The following COL4A4 variants were observed in gnomAD, a reference collection of about 807,000 sequenced individuals.
COL4A4 encodes the protein collagen alpha-4(IV) chain.
In COL4A4, 105 loss-of-function variants were observed where a neutral mutation model predicts 192.9. The ratio of observed to expected loss-of-function variants is 0.54; its 90% confidence interval spans 0.46 to 0.64. The LOEUF (loss-of-function observed/expected upper bound fraction) is 0.64, where lower values mean the gene tolerates loss of function less well. COL4A4 is among the 30% of genes least tolerant of loss of function. COL4A4 has a pLI of 0.00. For missense variants in COL4A4, 1,967 were observed against 2,169.3 expected, an observed-to-expected ratio of 0.91 and a Z score of 1.85; for synonymous variants, 762 against 769.9, an observed-to-expected ratio of 0.99 and a Z score of 0.17.
intron 4 of COL4A4, among the ~76,000 whole-genome samples, chr2:227,129,339 A>G (rs1209433569): frequency 6.6e-6 from 1 of 151,424 alleles, no homozygotes; most frequent in Admixed American, 6.6e-5. Flanking sequence ...TAACGTCATC[A>G]CCTATTTTTC....
chr2:227,011,032 T>C (rs1272176412), intron 45 of COL4A4, among the ~76,000 whole-genome samples: 1 of 152,092 alleles, frequency 6.6e-6, no homozygotes, highest in East Asian at 1.9e-4. Context: ...ATCTACAAGT[T>C]TGGCTCTCCT....
chr2:227,104,797 T>A (rs13411246), intron 12 of COL4A4, among the ~76,000 whole-genome samples: 42 of 150,806 alleles, frequency 2.8e-4, no homozygotes, highest in Non-Finnish European at 5.5e-4. Flanking sequence ...TGCGCCACCA[T>A]GCCCGGCTAA....
At chr2:226,996,641 A>T in the COL4A4 span, 37 of 152,362 alleles carry the variant, frequency 2.4e-4, 1 homozygote, top group Admixed American at 2.1e-3. Context: ...CACATAATAG[A>T]TATGCCTTCC....
intron 1 of COL4A4, among the ~76,000 whole-genome samples, chr2:227,158,986 T>C (rs893652905): frequency 3.9e-5 from 6 of 152,186 alleles, no homozygotes; most frequent in African/African-American, 1.4e-4. Context: ...TGAAAATGCA[T>C]GCCCACAAAA....
chr2:227,055,835 A>G (rs1031657516), intron 30 of COL4A4, 110 bp downstream of exon 30: 6 of 993,538 alleles, frequency 6.0e-6, no homozygotes, highest in Non-Finnish European at 9.2e-6. Flanking sequence ...GGAAGGACAA[A>G]GCCAGACTAA....
chr2:227,023,740 G>A (rs1415112031), intron 43 of COL4A4, among the ~76,000 whole-genome samples: 3 of 152,260 alleles, frequency 2.0e-5, no homozygotes, highest in South Asian at 2.1e-4. Context: ...TTCGCCAGGC[G>A]CGGTGGCTCA....
intron 25 of COL4A4, among the ~76,000 whole-genome samples, chr2:227,070,492 G>T (rs1409598415): frequency 6.6e-6 from 1 of 151,786 alleles, no homozygotes; most frequent in East Asian, 1.9e-4. Flanking sequence ...ATGATAGACT[G>T]GATTAAGAAA....
chr2:227,086,325 G>A (rs115164882), intron 22 of COL4A4, among the ~76,000 whole-genome samples: 2,089 of 152,200 alleles, frequency 0.014, 52 homozygotes, highest in African/African-American at 0.047. Flanking sequence ...CCCCAAGAGC[G>A]AGAGCACCCC....
At chr2:227,090,388 G>A (rs1047893510) in intron 20 of COL4A4, among the ~76,000 whole-genome samples, 2 of 152,058 alleles carry the variant, frequency 1.3e-5, no homozygotes, top group Admixed American at 1.3e-4. Context: ...AGTTAAAGAC[G>A]ACAGATAAAA....
Position 227,101,918 on chromosome 2 carries a change from T to G in COL4A4, c.931-9A>C. 1 of 1,593,288 alleles carries G rather than the reference T, an allele frequency of 6.3e-7. No homozygotes were observed. The highest frequency in any genetic ancestry group is 8.6e-7 in the Non-Finnish European group (1 of 1,165,872). On this transcript the variant is annotated splice_polypyrimidine_tract_variant and intron_variant, in intron 15 of 47. Transcript: ENST00000396625. ...TAGGAACCAGGATCCCCCTAATAAA[T>G]TCACAAAAATCAGGATAAACAGAAT...
intron 4 of COL4A4, among the ~76,000 whole-genome samples, chr2:227,135,280 GC>G (rs984316577): frequency 6.6e-6 from 1 of 152,148 alleles, no homozygotes; most frequent in Non-Finnish European, 1.5e-5. Context: ...CCAGGTGAGG[GC>G]TCTGAACCCG....
At chr2:227,105,738 T>C (rs1252414333) in intron 12 of COL4A4, among the ~76,000 whole-genome samples, 1 of 152,196 alleles carries the variant, frequency 6.6e-6, no homozygotes, top group East Asian at 1.9e-4. Context: ...TTTGTCATAG[T>C]TAAGAACAGG....
Position 227,080,503 on chromosome 2 carries a change from C to T in COL4A4, c.1743G>A (p.Gly581=), listed in dbSNP as rs1288036171. ...CATCCCGACCATGTGATCCTGGCTG[C>T]CCTGGAAATCCTGGGGGCCCATCAG... ...RGPDGPPGFP[G]QPGSHGRDGH... Residue 581 remains glycine (G), a synonymous_variant, in exon 24 of 48, where the codon GGG becomes GGA. Transcript: ENST00000396625. The T allele has an allele frequency of 5.0e-6, 8 of 1,613,990 alleles. No individual in the cohort carries two copies. The highest frequency in any genetic ancestry group is 1.1e-5 in the South Asian group (1 of 91,084).
rs775512192 is a variant in COL4A4 at position 227,114,688 on chromosome 2, A to G, written c.498T>C (p.Pro166=). Residue 166 remains proline, a synonymous_variant, in exon 8 of 48, where the codon CCT becomes CCC. Coordinates refer to ENST00000396625, the MANE Select transcript of COL4A4 (RefSeq NM_000092.5). ...ALGPGGPLGH[P]GEKGEKGNSV... ...AATTTCCTTTTTCTCCCTTTTCCCC[A>G]GGATGGCCCTGAAAATAAAATATGT... The G allele has an allele frequency of 6.2e-7, 1 of 1,613,604 alleles. No individual in the cohort carries two copies.
At chr2:227,056,249 G>C (rs1227379058) in intron 29 of COL4A4, 134 bp from the exon 30 acceptor site, 37 of 757,186 alleles carry the variant, frequency 4.9e-5, no homozygotes, top group Non-Finnish European at 8.4e-5. Context: ...AATAACAGTA[G>C]CAACTTTCCA....
chr2:226,981,569 T>TACAC, the COL4A4 span, among the ~76,000 whole-genome samples: 9,538 of 150,228 alleles, frequency 0.063, 964 homozygotes, highest in African/African-American at 0.21. Flanking sequence ...TGCACACACA[T>TACAC]ACACACACAC....
intron 8 of COL4A4, among the ~76,000 whole-genome samples, chr2:227,112,063 C>T (rs2061241043): frequency 6.6e-6 from 1 of 152,132 alleles, no homozygotes; most frequent in Admixed American, 6.5e-5. Context: ...GCTTTATAAA[C>T]ATCTTGACCC....
At chr2:227,159,816 C>A (rs1268287241) in intron 1 of COL4A4, among the ~76,000 whole-genome samples, 1 of 152,190 alleles carries the variant, frequency 6.6e-6, no homozygotes, top group African/African-American at 2.4e-5. Flanking sequence ...AGCCTCTTTT[C>A]TTTATAAATT....
At position 227,030,915 on chromosome 2, in the gene COL4A4, A is replaced by T. The variant is rs1225257816; in HGVS notation, c.3818-317T>A. 1.2e-4 allele frequency among the ~76,000 whole-genome samples: 15 copies of T among 126,524 alleles called. No individual in the cohort carries two copies. In the Admixed American group the frequency reaches 1.3e-3, roughly 11 times the overall value. 83.0% of individuals were successfully genotyped at this position (126,524 alleles called of 152,430 possible). On this transcript the variant is annotated intron_variant, in intron 40 of 47. Transcript: ENST00000396625. ...TGCATTGCCATCTTACTGCTTTAATAAGATGGATGGATGGATGGATGGATG... is the reference window on the plus strand; with the variant it reads ...TGCATTGCCATCTTACTGCTTTAATTAGATGGATGGATGGATGGATGGATG...
Sources: allele counts gnomAD v4.1 joint callset (sites outside exome capture counted in the v4.1 genomes callset), GRCh38; gene constraint gnomAD v4.1.1; transcripts MANE v1.5; gene names NCBI Gene and HGNC (gene_info 2026-07-23, HGNC 2026-07-21).